The following ABCA12 variants were observed in gnomAD, a reference collection of about 807,000 sequenced individuals.
ABCA12 encodes the protein glucosylceramide transporter ABCA12.
ABCA12 carries 156 observed loss-of-function variants against 293.5 expected under a neutral mutation model. That is an observed-to-expected ratio of 0.53 (90% CI 0.47 to 0.61). The LOEUF (loss-of-function observed/expected upper bound fraction) is 0.61, where lower values mean the gene tolerates loss of function less well. ABCA12 is among the 20% of genes least tolerant of loss of function. The pLI is 0.00. For missense variants in ABCA12, 2,797 were observed against 3,090.2 expected (o/e 0.91, Z 2.25); for synonymous variants, 1,063 against 1,108.0 (o/e 0.96, Z 0.81).
At chr2:214,953,821 A>G (rs1698854657) in intron 44 of ABCA12, 33 bp downstream of exon 44, 1 of 1,607,604 alleles carries the variant, frequency 6.2e-7, no homozygotes, top group Non-Finnish European at 8.5e-7. Flanking sequence ...GTTCTGTTTT[A>G]GATGTCAAAC....
chr2:214,945,187 C>T lies in ABCA12; in HGVS notation c.7240-83G>A, dbSNP rs898063725. ...TTTCATGAATTACTGCATTTCACTT[C>T]CCTAGAACAGAAATACTTTTCGAGG... On this transcript the variant is annotated intron_variant, in intron 48 of 52. Transcript: ENST00000272895. 6.4e-6 allele frequency: 7 copies of T among 1,095,460 alleles called. No homozygotes were observed. In the East Asian group the frequency reaches 1.5e-4, roughly 24 times the overall value. 67.9% of individuals were successfully genotyped at this position (1,095,460 alleles called of 1,614,324 possible). A position where few individuals can be genotyped will look rare whatever the true frequency, so the allele number is the denominator to read the frequency against.
intron 48 of ABCA12, 134 bp downstream of exon 48, chr2:214,947,288 C>G (rs1410187239): frequency 2.3e-6 from 3 of 1,279,666 alleles, no homozygotes; most frequent in East Asian, 2.3e-5. Context: ...ACATAAAGTG[C>G]TTTGCACAAT....
chr2:214,968,678 T>A, intron 38 of ABCA12, 42 bp downstream of exon 38: 3 of 1,568,352 alleles, frequency 1.9e-6, no homozygotes, highest in Non-Finnish European at 2.6e-6. Context: ...CAATTTCACC[T>A]TCTCATTTGT....
chr2:215,046,000 T>G lies in ABCA12; in HGVS notation c.709A>C (p.Asn237His), dbSNP rs11890512. Residue 237 changes from asparagine to histidine, a missense_variant, in exon 7 of 53, where the codon AAC becomes CAC. Physicochemically the swap from Asn to His is moderately conservative, Grantham distance 68. This residue lies in a region of ABCA12 where 656 missense variants were observed against 638.2 expected (regional missense o/e 1.03). Transcript: ENST00000272895. ...TCCTGAAACACTATCTTCTGATTGT[T>G]GGGGTCACTGGATAGCTTAAAATAT... is the stretch of plus-strand genomic sequence containing the variant. Reference protein sequence around the residue: ...KQFSQLSSDPNNQKIVFQEIV... With the variant: ...KQFSQLSSDPHNQKIVFQEIV... The G allele has an allele frequency of 0.037, 59,187 of 1,613,348 alleles. 9,148 individuals are homozygous for G. In the African/African-American group the frequency reaches 0.48, roughly 13 times the overall value.
At chr2:214,975,089 C>A (rs1030623570) in intron 34 of ABCA12, among the ~76,000 whole-genome samples, 2 of 152,134 alleles carry the variant, frequency 1.3e-5, no homozygotes, top group African/African-American at 4.8e-5. Flanking sequence ...CTCAGACACC[C>A]GAATTGCTGA....
At chr2:214,994,324 A>G (rs1455979072) in intron 23 of ABCA12, among the ~76,000 whole-genome samples, 1 of 152,136 alleles carries the variant, frequency 6.6e-6, no homozygotes, top group Non-Finnish European at 1.5e-5. Context: ...AAGCCTCCCA[A>G]ACCTGCCAGA....
chr2:215,017,768 C>T, intron 14 of ABCA12: 5 of 492,212 alleles, frequency 1.0e-5, no homozygotes. Context: ...AAGGAAAGAA[C>T]AAATGGGGCA....
intron 37 of ABCA12, among the ~76,000 whole-genome samples, chr2:214,969,905 C>G: frequency 6.6e-6 from 1 of 151,996 alleles, no homozygotes; most frequent in East Asian, 1.9e-4. Context: ...GCAGATATCA[C>G]ACTCTTAAGT....
rs762358538 is a variant in ABCA12 at position 214,950,992 on chromosome 2, C to G, written c.6739G>C (p.Gly2247Arg). Residue 2247 changes from glycine to arginine, a missense_variant, in exon 45 of 53, where the codon GGT becomes CGT. This residue lies in a region of ABCA12 where 2,130 missense variants were observed against 2,427.0 expected (regional missense o/e 0.88). Coordinates refer to ENST00000272895, the MANE Select transcript of ABCA12 (RefSeq NM_173076.3). ...VRAERLRVES[G>R]AAEFDLVQLY... ...TGGACCAAGTCAAATTCAGCTGCAC[C>G]ACTCTCAACTCTTAATCTCTCAGCC... 4.3e-6 allele frequency: 7 copies of G among 1,613,908 alleles called. No individual in the cohort carries two copies. The African/African-American group carries it at 8.0e-5, about 18-fold the overall frequency.
At chr2:215,095,475 C>A (rs1174635041) in intron 2 of ABCA12, among the ~76,000 whole-genome samples, 1 of 152,064 alleles carries the variant, frequency 6.6e-6, no homozygotes, top group African/African-American at 2.4e-5. Context: ...CACAATATCA[C>A]CTCTTACCCC....
At chr2:215,016,494 A>C (rs1700503738) in intron 14 of ABCA12, among the ~76,000 whole-genome samples, 1 of 143,288 alleles carries the variant, frequency 7.0e-6, no homozygotes, top group Non-Finnish European at 1.5e-5. Context: ...GAGGCAGGAG[A>C]ATGGTGAGAA....
At chr2:214,970,656 G>A (rs1432676343) in intron 36 of ABCA12, among the ~76,000 whole-genome samples, 1 of 152,024 alleles carries the variant, frequency 6.6e-6, no homozygotes, top group Non-Finnish European at 1.5e-5. Context: ...AAGAACACAA[G>A]TTAACAAATG....
At chr2:215,044,538 G>A (rs974858053) in intron 7 of ABCA12, 2 of 152,132 alleles carry the variant, frequency 1.3e-5, no homozygotes, top group Non-Finnish European at 2.9e-5. Flanking sequence ...ATTTCCCTAA[G>A]AGATAAAATG....
Position 215,064,189 on chromosome 2 carries a change from G to T in ABCA12, c.194C>A (p.Thr65Asn). The T allele has an allele frequency of 6.2e-7, 1 of 1,612,688 alleles. No homozygotes were observed. Among genetic ancestry groups the T allele is most frequent in the Non-Finnish European group, 8.5e-7 (1 of 1,179,126 alleles). Residue 65 changes from threonine (T) to asparagine (N), a missense_variant, in exon 3 of 53, where the codon ACT becomes AAT. Thr to Asn is a moderately conservative substitution (Grantham distance 65, BLOSUM62 0). This residue lies in a region of ABCA12 where 656 missense variants were observed against 638.2 expected (regional missense o/e 1.03). Coordinates refer to ENST00000272895, the MANE Select transcript of ABCA12 (RefSeq NM_173076.3). Reference protein sequence around the residue: ...CYLAPRNLPSTGFFPFLQTLL... With the variant: ...CYLAPRNLPSNGFFPFLQTLL... Reference sequence around the variant, plus strand: ...GGTCTGCAGGAATGGAAAGAATCCAGTACTAGGAAGGTTTCGAGGTGCGAG... The same window carrying T: ...GGTCTGCAGGAATGGAAAGAATCCATTACTAGGAAGGTTTCGAGGTGCGAG...
At chr2:215,104,300 A>G (rs1319568600) in intron 2 of ABCA12, among the ~76,000 whole-genome samples, 1 of 152,194 alleles carries the variant, frequency 6.6e-6, no homozygotes, top group Non-Finnish European at 1.5e-5. Flanking sequence ...TGTACTTCAG[A>G]GATATTTCCT....
At chr2:215,038,754 A>G (rs1252939269) in intron 7 of ABCA12, among the ~76,000 whole-genome samples, 4 of 152,202 alleles carry the variant, frequency 2.6e-5, no homozygotes, top group Non-Finnish European at 5.9e-5. Flanking sequence ...AACATCTTCA[A>G]AGACTGAACA....
chr2:215,066,109 T>A (rs1433393288), intron 2 of ABCA12, among the ~76,000 whole-genome samples: 1 of 152,090 alleles, frequency 6.6e-6, no homozygotes, highest in African/African-American at 2.4e-5. Context: ...TTTCATGTCA[T>A]CCCTCCGAAA....
intron 7 of ABCA12, among the ~76,000 whole-genome samples, chr2:215,043,834 G>A (rs769137533): frequency 3.3e-5 from 5 of 152,024 alleles, no homozygotes; most frequent in Admixed American, 6.5e-5. Flanking sequence ...AATTGCTCCT[G>A]AATCCACTGA....
At chr2:215,107,459 G>C (rs1265521030) in intron 2 of ABCA12, among the ~76,000 whole-genome samples, 1 of 152,192 alleles carries the variant, frequency 6.6e-6, no homozygotes, top group East Asian at 1.9e-4. Context: ...AGAAGAATTA[G>C]GGCCTGCCTG....
Sources: gnomAD v4.1 joint callset for allele counts (sites outside exome capture counted in the v4.1 genomes callset) on GRCh38, gnomAD v4.1.1 for gene constraint, gnomAD v4.1.1 regional missense constraint, MANE v1.5 for transcripts, NCBI Gene and HGNC (gene_info 2026-07-23, HGNC 2026-07-21) for gene names.